Variants in RASAL1 observed in about 807,000 individuals in gnomAD.
RASAL1 encodes RAS protein activator like 1.
In RASAL1, 72 loss-of-function variants were observed where a neutral mutation model predicts 96.6. That is an observed-to-expected ratio of 0.75 (90% CI 0.62 to 0.91). RASAL1 has a LOEUF of 0.91. RASAL1 is among the 40% of genes least tolerant of loss of function. The pLI is 0.00. For synonymous variants in RASAL1, 405 were observed against 430.4 expected, an observed-to-expected ratio of 0.94 and a Z score of 0.73; for missense variants, 1,016 against 1,072.5, an observed-to-expected ratio of 0.95 and a Z score of 0.74.
At chr12:113,113,977 T>C (rs1950965745) in intron 12 of RASAL1, among the ~76,000 whole-genome samples, 2 of 152,162 alleles carry the variant, frequency 1.3e-5, no homozygotes. Context: ...ATATCACTAA[T>C]GTCGAGGAGC....
At chr12:113,135,975 T>A (rs894973922), upstream of RASAL1, 8 of 159,904 alleles carry the variant, frequency 5.0e-5, no homozygotes, top group African/African-American at 1.4e-4. This position sits in a 1 kb window ranked among gnomAD's most constrained non-coding sequence, Gnocchi z 5.7. Flanking sequence ...TGAGTTGGCA[T>A]TGGGCTTAAA....
intron 19 of RASAL1, among the ~76,000 whole-genome samples, chr12:113,101,195 C>T (rs1351683868): frequency 6.6e-6 from 1 of 152,170 alleles, no homozygotes; most frequent in Non-Finnish European, 1.5e-5. Context: ...ACAGGTGGAT[C>T]ACTTGAAGTC....
chr12:113,116,817 G>A (rs1199920333), intron 8 of RASAL1, among the ~76,000 whole-genome samples: 2 of 152,198 alleles, frequency 1.3e-5, no homozygotes, highest in Admixed American at 1.3e-4. Context: ...GGAGAGGTGT[G>A]GAAGGACCCA....
At chr12:113,127,060 A>T (rs956713559) in intron 4 of RASAL1, among the ~76,000 whole-genome samples, 1 of 150,988 alleles carries the variant, frequency 6.6e-6, no homozygotes, top group African/African-American at 2.4e-5. Context: ...TTATTTTTAA[A>T]TTATTTTTAG....
chr12:113,122,871 C>T (rs550343662), intron 4 of RASAL1, among the ~76,000 whole-genome samples: 1 of 152,254 alleles, frequency 6.6e-6, no homozygotes, highest in South Asian at 2.1e-4. Flanking sequence ...CCTTCTGGAA[C>T]TCCAATTAAA....
intron 8 of RASAL1, among the ~76,000 whole-genome samples, chr12:113,116,349 T>C (rs868237008): frequency 1.3e-4 from 19 of 151,456 alleles, no homozygotes; most frequent in African/African-American, 4.6e-4. Flanking sequence ...GACAGAGCGA[T>C]ACTCTGTCTA....
chr12:113,134,240 G>T (rs1592973963), intron 1 of RASAL1, among the ~76,000 whole-genome samples: 1 of 152,178 alleles, frequency 6.6e-6, no homozygotes, highest in South Asian at 2.1e-4. Flanking sequence ...AGGATGAAGG[G>T]TGGCAAAAAT....
intron 13 of RASAL1, among the ~76,000 whole-genome samples, chr12:113,110,873 C>T (rs1950842801): frequency 1.3e-5 from 2 of 152,302 alleles, no homozygotes; most frequent in East Asian, 1.9e-4. Flanking sequence ...TATGATTGTG[C>T]CACTGCACTC....
In RASAL1 at chr12:113,129,092, G is replaced by T. The variant is rs191931666; in HGVS notation, c.123-914C>A. ...CCTGTGCTGGGCTCCAGGGATCAGA[G>T]GAACAGGTGTCAGGGCTGCTTACCC... On this transcript the variant is annotated intron_variant, in intron 2 of 20. Transcript: ENST00000548055. This position sits in a 1 kb window ranked among gnomAD's most constrained non-coding sequence, Gnocchi z 5.0. Among the ~76,000 whole-genome samples the T allele has an allele frequency of 6.6e-6, 1 of 152,212 alleles. No homozygotes were observed. The highest frequency in any genetic ancestry group is 1.5e-5 in the Non-Finnish European group (1 of 68,046).
chr12:113,128,972 GACACACAC>G (rs35122341), intron 2 of RASAL1, among the ~76,000 whole-genome samples: 3 of 142,832 alleles, frequency 2.1e-5, no homozygotes, highest in East Asian at 4.2e-4. Context: ...CACAGTCACT[GACACACAC>G]ACACACACAC....
rs1951111090 is a variant in RASAL1 at position 113,116,995 on chromosome 12, C to G, written c.731+78G>C. 29 of 1,186,466 alleles carry G rather than the reference C, an allele frequency of 2.4e-5. No homozygotes were observed. In the East Asian group the frequency reaches 7.6e-4, roughly 31 times the overall value. 73.5% of individuals were successfully genotyped at this position (1,186,466 alleles called of 1,614,324 possible). Reference sequence around the variant, plus strand: ...GGCATAGTGATAATGTGTGGGCTGGCATGGGCTCTGCCCGCAAGCTGTGGA... The same window carrying G: ...GGCATAGTGATAATGTGTGGGCTGGGATGGGCTCTGCCCGCAAGCTGTGGA... On this transcript the variant is annotated intron_variant, in intron 8 of 20. Coordinates refer to ENST00000548055, the MANE Select transcript of RASAL1 (RefSeq NM_001301202.2).
Position 113,130,784 on chromosome 12 carries a change from AG to A in RASAL1, c.122+100del. 2 of 974,902 alleles carry A rather than the reference AG, an allele frequency of 2.1e-6. No individual in the cohort carries two copies. The highest frequency in any genetic ancestry group is 3.2e-5 in the South Asian group (2 of 62,264). The allele number at this position is 974,902 out of a possible 1,614,324, so 60.4% of individuals were successfully genotyped here. A position where few individuals can be genotyped will look rare whatever the true frequency, so the allele number is the denominator to read the frequency against. On this transcript the variant is annotated intron_variant, in intron 2 of 20. Coordinates refer to ENST00000548055, the MANE Select transcript of RASAL1 (RefSeq NM_001301202.2). The surrounding 1 kb of genome is among the most constrained non-coding windows in gnomAD (Gnocchi z 5.1). ...ACCTGCAGGCCCGCGAGTCCCCCTC[AG>A]GGTAAGCACTCCTTTAAATGTGAAT...
intron 1 of RASAL1, among the ~76,000 whole-genome samples, chr12:113,133,725 G>T (rs868634808): frequency 1.3e-5 from 2 of 152,206 alleles, no homozygotes; most frequent in Admixed American, 6.5e-5. Flanking sequence ...GAAGGGTGCT[G>T]ACAGCTAGGG....
rs773203954 is a variant in RASAL1, at chr12:113,101,990, T to A, written c.2124A>T (p.Thr708=). Residue 708 remains threonine (T), a synonymous_variant, in exon 19 of 21, where the codon ACA becomes ACT. Transcript: ENST00000548055. ...AGTCCCCCAGGGTGACAGCTGAGTG[T>A]GTACGGCTGCAGCCGGCGGCTGAGG... The part of the protein sequence containing the change: ...AERSAAGCSR[T]HSAVTLGDWS... 3 of 1,613,984 alleles carry A rather than the reference T, an allele frequency of 1.9e-6. No individual in the cohort carries two copies. Among genetic ancestry groups the A allele is most frequent in the Non-Finnish European group, 2.5e-6 (3 of 1,179,924 alleles).
Position 113,099,734 on chromosome 12 carries a change from C to T in RASAL1, c.*195G>A. 1 of 702,974 alleles carries T rather than the reference C, an allele frequency of 1.4e-6. No homozygotes were observed. Among genetic ancestry groups the T allele is most frequent in the Non-Finnish European group, 2.3e-6 (1 of 444,308 alleles). 43.5% of individuals were successfully genotyped at this position (702,974 alleles called of 1,614,324 possible). ...GCCAGAGGGCAAGTTTCACTCAGTG[C>T]AAGGCTGGCCCCTGCCAAAGGGCTT... is the stretch of plus-strand genomic sequence containing the variant. On this transcript the variant is annotated 3_prime_UTR_variant, in exon 21 of 21. Coordinates refer to ENST00000548055, the MANE Select transcript of RASAL1 (RefSeq NM_001301202.2).
intron 18 of RASAL1, chr12:113,102,942 C>A: frequency 5.9e-6 from 1 of 170,112 alleles, no homozygotes; most frequent in South Asian, 1.2e-4. Flanking sequence ...TTACCCCCAT[C>A]TCCCAGTTCT....
chr12:113,130,872 C>A lies in RASAL1; in HGVS notation c.122+13G>T, dbSNP rs201457819. On this transcript the variant is annotated intron_variant, in intron 2 of 20. Transcript: ENST00000548055. The surrounding 1 kb of genome is among the most constrained non-coding windows in gnomAD (Gnocchi z 5.1). ...CCTCCCTTCCTCCTCTCCCCCGTGTCGCCACCCCTCACCTGGCCACCACCT... is the reference window on the plus strand; with the variant it reads ...CCTCCCTTCCTCCTCTCCCCCGTGTAGCCACCCCTCACCTGGCCACCACCT... The A allele has an allele frequency of 1.2e-6, 2 of 1,610,938 alleles. No homozygotes were observed. The highest frequency in any genetic ancestry group is 1.7e-6 in the Non-Finnish European group (2 of 1,177,986).
chr12:113,100,293 C>A (rs1950395742), intron 20 of RASAL1, among the ~76,000 whole-genome samples: 1 of 152,108 alleles, frequency 6.6e-6, no homozygotes, highest in Admixed American at 6.5e-5. Context: ...CTCCTTAACC[C>A]CTTAGCTTCT....
intron 14 of RASAL1, 53 bp from the exon 15 acceptor site, chr12:113,107,294 G>A: frequency 2.7e-6 from 4 of 1,504,826 alleles, no homozygotes; most frequent in East Asian, 4.7e-5. Context: ...AGAGGGTAGG[G>A]CCCCTCCTGG....
Sources: gnomAD v4.1 joint callset for allele counts (sites outside exome capture counted in the v4.1 genomes callset) on GRCh38, gnomAD v4.1.1 for gene constraint, Gnocchi (gnomAD v3.1) non-coding constraint, MANE v1.5 for transcripts, NCBI Gene and HGNC (gene_info 2026-07-23, HGNC 2026-07-21) for gene names.